Variants in ITGB1BP1 observed in about 807,000 individuals in gnomAD.
ITGB1BP1 encodes the protein integrin beta-1-binding protein 1.
A neutral mutation model predicts 28.0 loss-of-function variants in ITGB1BP1; 20 were observed. That is an observed-to-expected ratio of 0.71 (90% CI 0.50 to 1.04). ITGB1BP1 has a LOEUF of 1.04. Ranked by LOEUF, ITGB1BP1 falls within the 50% of genes least tolerant of loss-of-function variation. The pLI is 0.00. For synonymous variants in ITGB1BP1, 103 were observed against 89.5 expected (o/e 1.15, Z -0.85); for missense variants, 228 against 242.5 (o/e 0.94, Z 0.40).
intron 1 of ITGB1BP1, chr2:9,422,714 C>T (rs1212635941): frequency 1.0e-6 from 1 of 985,516 alleles, no homozygotes; most frequent in Non-Finnish European, 1.2e-6. Flanking sequence ...GGTGACACCC[C>T]AACAGCGATT....
intron 1 of ITGB1BP1, among the ~76,000 whole-genome samples, chr2:9,422,271 A>G (rs1679978254): frequency 6.6e-6 from 1 of 152,222 alleles, no homozygotes; most frequent in South Asian, 2.1e-4. Flanking sequence ...GTCAGAGACC[A>G]AAGTCAACGT....
At chr2:9,418,537 C>T (rs1679420712) in intron 2 of ITGB1BP1, 89 bp downstream of exon 2, 1 of 897,926 alleles carries the variant, frequency 1.1e-6, no homozygotes, top group Non-Finnish European at 1.9e-6. Context: ...AGGAGATCTG[C>T]CCACGGTCAG....
chr2:9,414,250 CCA>C lies in ITGB1BP1; in HGVS notation c.77_78del (p.Val26GlyfsTer3). The C allele has an allele frequency of 6.2e-7, 1 of 1,613,808 alleles. No individual in the cohort carries two copies. The highest frequency in any genetic ancestry group is 8.5e-7 in the Non-Finnish European group (1 of 1,179,732). On this transcript the variant is annotated frameshift_variant, in exon 3 of 7. Transcript: ENST00000355346. LOFTEE classifies it high-confidence loss of function. ...SSEISTKSKSVDSSLGGLSRS... is the reference protein window; with the variant it reads ...SSEISTKSKSXDSSLGGLSRS... ...CGTGAAAGACCCCCAAGGCTAGAAT[CCA>C]CAGACTGAGAAACAGAAAAACAAGT...
intron 1 of ITGB1BP1, among the ~76,000 whole-genome samples, chr2:9,420,903 T>C (rs1282775424): frequency 2.0e-5 from 3 of 151,962 alleles, no homozygotes; most frequent in Non-Finnish European, 2.9e-5. Context: ...TGGATAAGGG[T>C]AAAAAGTGAG....
intron 1 of ITGB1BP1, among the ~76,000 whole-genome samples, chr2:9,422,059 A>T (rs1679945107): frequency 6.6e-6 from 1 of 152,172 alleles, no homozygotes; most frequent in Non-Finnish European, 1.5e-5. Context: ...CCCTATAAAA[A>T]TGCACATCCA....
chr2:9,407,207 C>T, intron 6 of ITGB1BP1: 1 of 606,104 alleles, frequency 1.6e-6, no homozygotes, highest in Non-Finnish European at 2.9e-6. Flanking sequence ...CATTTTTCCT[C>T]AGCTGCTTTG....
rs142988518 is a variant in ITGB1BP1, at chr2:9,415,974, C to A, written c.73-1718G>T. 1.3e-5 allele frequency among the ~76,000 whole-genome samples: 2 copies of A among 152,244 alleles called. No individual in the cohort carries two copies. Among genetic ancestry groups the A allele is most frequent in the African/African-American group, 4.8e-5 (2 of 41,460 alleles). On this transcript the variant is annotated intron_variant, in intron 2 of 6. Transcript: ENST00000355346. The surrounding 1 kb of genome is among the most constrained non-coding windows in gnomAD (Gnocchi z 4.1). ...AGGCATCTCCTGAGGGGGCCTTGTGCGACCCTGCGAGACGCCTCCTTCTGT... is the reference window on the plus strand; with the variant it reads ...AGGCATCTCCTGAGGGGGCCTTGTGAGACCCTGCGAGACGCCTCCTTCTGT...
chr2:9,408,327 C>T (rs1021712752), intron 4 of ITGB1BP1, 122 bp from the exon 5 acceptor site: 16 of 640,654 alleles, frequency 2.5e-5, no homozygotes, highest in Middle Eastern at 3.2e-4. Context: ...GTGGGGTACA[C>T]ATTAGCCAGG....
In ITGB1BP1 at chr2:9,421,740, T is replaced by C. The variant is rs73154744; in HGVS notation, c.-36+1633A>G. ...ATCAAAATGAGGCCAATGATCCTGA[T>C]TGGCGATTGGATGCTCCGCAGGCTC... On this transcript the variant is annotated intron_variant, in intron 1 of 6. Coordinates refer to ENST00000355346, the MANE Select transcript of ITGB1BP1 (RefSeq NM_004763.5). 5.0e-3 allele frequency among the ~76,000 whole-genome samples: 757 copies of C among 151,988 alleles called. 1 individual carries two copies. The highest frequency in any genetic ancestry group is 0.017 in the African/African-American group (717 of 41,406).
intron 3 of ITGB1BP1, 112 bp from the exon 4 acceptor site, chr2:9,412,517 T>A: frequency 1.2e-6 from 1 of 838,810 alleles, no homozygotes; most frequent in East Asian, 2.6e-5. Flanking sequence ...AACCACTAAT[T>A]ACAAATTTTA....
At position 9,407,589 on chromosome 2, in the gene ITGB1BP1, G is replaced by A; in HGVS notation, c.391C>T (p.His131Tyr). 1 of 1,614,106 alleles carries A rather than the reference G, an allele frequency of 6.2e-7. No individual in the cohort carries two copies. Among genetic ancestry groups the A allele is most frequent in the Non-Finnish European group, 8.5e-7 (1 of 1,180,016 alleles). ...VSTSDQYDVL[H>Y]RHALYLIIRM... ...ATTATTAAGTAGAGAGCATGCCTGT[G>A]CAAAACATCCTGCAGAAGTCAGGAA... is the stretch of plus-strand genomic sequence containing the variant. The change falls in exon 6 of 7, where the codon CAC (histidine) becomes TAC (tyrosine). Residue 131 changes from histidine to tyrosine, a missense_variant. This residue lies in a region of ITGB1BP1 where 192 missense variants were observed against 181.6 expected (regional missense o/e 1.06). Transcript: ENST00000355346.
intron 2 of ITGB1BP1, among the ~76,000 whole-genome samples, chr2:9,414,575 C>G (rs554209929): frequency 6.6e-6 from 1 of 152,366 alleles, no homozygotes; most frequent in East Asian, 1.9e-4. Context: ...AATATTCTTG[C>G]GAACATCTCT....
intron 6 of ITGB1BP1, 74 bp from the exon 7 acceptor site, chr2:9,406,979 C>T (rs922842947): frequency 4.5e-6 from 5 of 1,110,086 alleles, no homozygotes; most frequent in East Asian, 2.4e-5. Context: ...CTAGCAGAGG[C>T]ACACACCTGA....
rs372189624 is a variant in ITGB1BP1, at chr2:9,407,519, A to G, written c.461T>C (p.Leu154Ser). 125 of 1,614,020 alleles carry G rather than the reference A, an allele frequency of 7.7e-5. No individual in the cohort carries two copies. The highest frequency in any genetic ancestry group is 1.1e-4 in the Non-Finnish European group (124 of 1,180,024). The change falls in exon 6 of 7, where the codon TTA (leucine) becomes TCA (serine). Residue 154 changes from leucine (L) to serine (S), a missense_variant. By Grantham distance (145) the Leu-to-Ser change is moderately radical. Coordinates refer to ENST00000355346, the MANE Select transcript of ITGB1BP1 (RefSeq NM_004763.5). ...TGCATCTGTGGTCTTCAGAGCCAGT[A>G]AGCTTTTTCCCGCCCCCAGACCGTC... is the stretch of plus-strand genomic sequence containing the variant. ...YDDGLGAGKSLLALKTTDASN... is the reference protein window; with the variant it reads ...YDDGLGAGKSSLALKTTDASN...
At chr2:9,416,090 G>C (rs975244081) in intron 2 of ITGB1BP1, among the ~76,000 whole-genome samples, 2 of 152,136 alleles carry the variant, frequency 1.3e-5, no homozygotes, top group Admixed American at 1.3e-4. Context: ...AAAGGCTGTT[G>C]AGTCACGGCA....
At chr2:9,411,708 C>A (rs555677044) in intron 4 of ITGB1BP1, among the ~76,000 whole-genome samples, 1 of 133,862 alleles carries the variant, frequency 7.5e-6, no homozygotes, top group Admixed American at 7.4e-5. Flanking sequence ...GGGCGACAGA[C>A]CGAGACTCCA....
intron 4 of ITGB1BP1, among the ~76,000 whole-genome samples, chr2:9,409,188 C>G (rs987615077): frequency 1.3e-5 from 2 of 152,222 alleles, no homozygotes; most frequent in Non-Finnish European, 2.9e-5. Flanking sequence ...CCACCTACTT[C>G]GTCTTCCCTA....
chr2:9,420,167 A>AGAATCTTTGGG, intron 1 of ITGB1BP1: 1 of 389,250 alleles, frequency 2.6e-6, no homozygotes, highest in Non-Finnish European at 3.5e-6. Context: ...CAACCCAAAG[A>AGAATCTTTGGG]TTCTCCGTAT....
chr2:9,407,339 C>T, intron 6 of ITGB1BP1, 110 bp downstream of exon 6: 1 of 1,247,972 alleles, frequency 8.0e-7, no homozygotes, highest in Non-Finnish European at 1.1e-6. Flanking sequence ...TATCCCCAGG[C>T]CAAGATATTC....
Sources: allele counts gnomAD v4.1 joint callset (sites outside exome capture counted in the v4.1 genomes callset), GRCh38; gene constraint gnomAD v4.1.1; regional missense constraint gnomAD v4.1.1; non-coding constraint Gnocchi (gnomAD v3.1); transcripts MANE v1.5; gene names NCBI Gene and HGNC (gene_info 2026-07-23, HGNC 2026-07-21).